STKLD1: variants seen among roughly 807,000 people sequenced by gnomAD.
STKLD1 encodes serine/threonine kinase like domain containing 1, also known as serine/threonine kinase-like domain-containing protein STKLD1.
Under a neutral mutation model 80.4 loss-of-function variants are expected in STKLD1, and 79 were observed. That is an observed-to-expected ratio of 0.98 (90% CI 0.82 to 1.19). STKLD1 has a LOEUF of 1.19. Among genes scored for constraint, STKLD1 ranks in the 50% most tolerant of loss-of-function variants. STKLD1 has a pLI of 0.00. For synonymous variants in STKLD1, 393 were observed against 357.6 expected, an observed-to-expected ratio of 1.10 and a Z score of -1.12; for missense variants, 841 against 856.0, an observed-to-expected ratio of 0.98 and a Z score of 0.22.
rs917050020 is a variant in STKLD1, at chr9:133,402,978, C to T, written c.1440C>T (p.Ser480=). The T allele has an allele frequency of 2.8e-5, 44 of 1,577,136 alleles. No individual in the cohort carries two copies. Among genetic ancestry groups the T allele is most frequent in the Middle Eastern group, 1.9e-4 (1 of 5,232 alleles). ...TCGAAAGCAGGGACGTCTGCGCCAG[C>T]GGCCTGGGCCTGCTCTGGGCCCTCC... is the stretch of plus-strand genomic sequence containing the variant. The part of the protein sequence containing the change: ...SSLESRDVCA[S]GLGLLWALLL... Residue 480 remains serine (S), a synonymous_variant, in exon 14 of 18, where the codon AGC becomes AGT. Coordinates refer to ENST00000371957, the MANE Select transcript of STKLD1 (RefSeq NM_153710.5).
chr9:133,387,914 G>A (rs2130281279), intron 5 of STKLD1: 4 of 468,566 alleles, frequency 8.5e-6, no homozygotes, highest in African/African-American at 3.9e-5. Context: ...TGTGAGCCCC[G>A]CGGTGCTGCT....
chr9:133,377,261 G>GA (rs2130253203), intron 1 of STKLD1, among the ~76,000 whole-genome samples: 43 of 150,922 alleles, frequency 2.8e-4, no homozygotes, highest in African/African-American at 5.8e-4. Flanking sequence ...CCTGCTTTTG[G>GA]AAAAAAAAAT....
At chr9:133,403,597 C>G in intron 14 of STKLD1, 103 bp from the exon 15 acceptor site, 1 of 1,432,404 alleles carries the variant, frequency 7.0e-7, no homozygotes, top group Non-Finnish European at 9.5e-7. Context: ...CCCATTTCTG[C>G]TGTTGTCGTT....
chr9:133,381,450 C>CGTT (rs1838132115), intron 2 of STKLD1, among the ~76,000 whole-genome samples: 3 of 91,174 alleles, frequency 3.3e-5, no homozygotes, highest in Non-Finnish European at 4.4e-5. Context: ...CACCCAGCCG[C>CGTT]TTTTTTTTTT....
rs1163327919 is a variant in STKLD1, at chr9:133,384,364, C to T, written c.219+464C>T. The T allele has an allele frequency of 6.2e-6, 1 of 161,072 alleles. No individual in the cohort carries two copies. The highest frequency in any genetic ancestry group is 2.4e-5 in the African/African-American group (1 of 41,628). 10.0% of individuals were successfully genotyped at this position (161,072 alleles called of 1,614,324 possible). Reference sequence around the variant, plus strand: ...GGTTGAGGCGGGAGAATCACTTGAACCTGGGAGGCGGAGATTGCAATGAGC... The same window carrying T: ...GGTTGAGGCGGGAGAATCACTTGAATCTGGGAGGCGGAGATTGCAATGAGC... On this transcript the variant is annotated intron_variant, in intron 3 of 17. Transcript: ENST00000371957. This position sits in a 1 kb window ranked among gnomAD's most constrained non-coding sequence, Gnocchi z 4.3.
Position 133,376,478 on chromosome 9 carries a change from T to A in STKLD1, c.5T>A (p.Leu2His). Residue 2 changes from leucine (L) to histidine (H), a missense_variant, in exon 1 of 18, where the codon CTT becomes CAT. Transcript: ENST00000371957. M[L>H]GPGSNRRRPT... ...CGTACGCGGTCGCTACTGATCATGC[T>A]TGGGCCAGGGTCCAATCGCAGGCGC... 1 of 1,588,976 alleles carries A rather than the reference T, an allele frequency of 6.3e-7. No homozygotes were observed. Among genetic ancestry groups the A allele is most frequent in the Non-Finnish European group, 8.5e-7 (1 of 1,169,978 alleles).
In STKLD1 at chr9:133,394,677, T is replaced by C. The variant is rs2119233287; in HGVS notation, c.702+268T>C. 1 of 458,012 alleles carries C rather than the reference T, an allele frequency of 2.2e-6. No individual in the cohort carries two copies. Among genetic ancestry groups the C allele is most frequent in the East Asian group, 3.7e-5 (1 of 26,710 alleles). The allele number at this position is 458,012 out of a possible 1,614,324, so 28.4% of individuals were successfully genotyped here. On this transcript the variant is annotated intron_variant, in intron 8 of 17. Coordinates refer to ENST00000371957, the MANE Select transcript of STKLD1 (RefSeq NM_153710.5). This position sits in a 1 kb window ranked among gnomAD's most constrained non-coding sequence, Gnocchi z 4.9. ...ACCCTCGCAGCAGCCCTCCAGGTGG[T>C]GTCACTGACTCTTGATGGAGAAAAG...
chr9:133,391,142 G>T (rs1245241635), intron 7 of STKLD1, among the ~76,000 whole-genome samples: 2 of 148,876 alleles, frequency 1.3e-5, no homozygotes, highest in African/African-American at 5.1e-5. Context: ...GAGGTGGGGG[G>T]GGTCAGCCCC....
intron 17 of STKLD1, 121 bp downstream of exon 17, chr9:133,405,050 C>G: frequency 2.1e-6 from 3 of 1,431,878 alleles, no homozygotes; most frequent in Non-Finnish European, 2.8e-6. Flanking sequence ...TCTCGGCCCA[C>G]TTAAACTTCC....
chr9:133,378,111 C>T (rs1838043726), intron 1 of STKLD1, among the ~76,000 whole-genome samples: 1 of 152,198 alleles, frequency 6.6e-6, no homozygotes, highest in Non-Finnish European at 1.5e-5. Context: ...AGCTTTGCTC[C>T]ACTGCCTGCT....
Position 133,384,022 on chromosome 9 carries a change from C to A in STKLD1, c.219+122C>A. On this transcript the variant is annotated intron_variant, in intron 3 of 17. Coordinates refer to ENST00000371957, the MANE Select transcript of STKLD1 (RefSeq NM_153710.5). The surrounding 1 kb of genome is among the most constrained non-coding windows in gnomAD (Gnocchi z 4.3). ...GCTGGAGGGAGGGATAGAGCATCAG[C>A]ACCAGTTTTGCCTCAGCTGTGAAGC... 1 of 978,002 alleles carries A rather than the reference C, an allele frequency of 1.0e-6. No homozygotes were observed. The highest frequency in any genetic ancestry group is 1.6e-6 in the Non-Finnish European group (1 of 625,480). The allele number at this position is 978,002 out of a possible 1,614,324, so 60.6% of individuals were successfully genotyped here.
intron 2 of STKLD1, 57 bp downstream of exon 2, chr9:133,379,179 CCAATA>C: frequency 7.0e-7 from 1 of 1,436,618 alleles, no homozygotes. Context: ...GTGATTTTCC[CCAATA>C]CAAGCTCTTC....
Position 133,385,006 on chromosome 9 carries a change from C to T in STKLD1, c.220-611C>T, listed in dbSNP as rs1025937383. On this transcript the variant is annotated intron_variant, in intron 3 of 17. Transcript: ENST00000371957. This position sits in a 1 kb window ranked among gnomAD's most constrained non-coding sequence, Gnocchi z 4.9. ...AGCACAGTGGTGGGCCCAGGCTACT[C>T]GGTAACAAATGGGAAGAAAGAGCAT... Among the ~76,000 whole-genome samples, 3 of 152,176 alleles carry T rather than the reference C, an allele frequency of 2.0e-5. No homozygotes were observed. Among genetic ancestry groups the T allele is most frequent in the African/African-American group, 4.8e-5 (2 of 41,440 alleles).
intron 5 of STKLD1, chr9:133,388,879 T>G: frequency 1.0e-6 from 1 of 985,370 alleles, no homozygotes; most frequent in Non-Finnish European, 1.2e-6. Flanking sequence ...TTTCAGACTT[T>G]GTGAGTGAAG....
intron 11 of STKLD1, among the ~76,000 whole-genome samples, chr9:133,399,897 G>A (rs994783019): frequency 4.0e-5 from 6 of 149,876 alleles, no homozygotes; most frequent in Admixed American, 2.6e-4. Context: ...AAAAAAAAGA[G>A]GGGGGGGTCT....
intron 9 of STKLD1, 125 bp from the exon 10 acceptor site, chr9:133,397,039 C>T (rs1838580054): frequency 7.3e-7 from 1 of 1,377,950 alleles, no homozygotes; most frequent in Non-Finnish European, 9.8e-7. Context: ...AATCCCAAAA[C>T]AGGGAGTTCA....
Position 133,385,264 on chromosome 9 carries a change from G to A in STKLD1, c.220-353G>A, listed in dbSNP as rs2130274217. Among the ~76,000 whole-genome samples the A allele has an allele frequency of 6.6e-6, 1 of 152,312 alleles. No individual in the cohort carries two copies. Among genetic ancestry groups the A allele is most frequent in the East Asian group, 1.9e-4 (1 of 5,188 alleles). On this transcript the variant is annotated intron_variant, in intron 3 of 17. Transcript: ENST00000371957. This position sits in a 1 kb window ranked among gnomAD's most constrained non-coding sequence, Gnocchi z 4.9. ...TCCGTGTGCCCACCTCCCGGTGTCT[G>A]CACCACCTCCTCCAGCCAGCCCTGG...
At chr9:133,377,151 G>A (rs2130252860) in intron 1 of STKLD1, among the ~76,000 whole-genome samples, 12 of 152,154 alleles carry the variant, frequency 7.9e-5, no homozygotes, top group Non-Finnish European at 1.8e-4. Flanking sequence ...GGACTATAGG[G>A]CGTTGCCAGA....
Position 133,403,979 on chromosome 9 carries a change from C to T in STKLD1, c.1663C>T (p.Leu555=), listed in dbSNP as rs781946969. ...GGCGCTGCTCCTGCAAAGCATCCGG[C>T]TGTGCCAGGACAGAGCCCTGCTGGT... The part of the protein sequence containing the change: ...VVALLLQSIR[L]CQDRALLVNN... Residue 555 remains leucine, a synonymous_variant, in exon 16 of 18, where the codon CTG becomes TTG. Coordinates refer to ENST00000371957, the MANE Select transcript of STKLD1 (RefSeq NM_153710.5). The T allele has an allele frequency of 1.2e-6, 2 of 1,611,724 alleles. No individual in the cohort carries two copies. The highest frequency in any genetic ancestry group is 1.3e-5 in the African/African-American group (1 of 75,046).
Sources: gnomAD v4.1 joint callset for allele counts (sites outside exome capture counted in the v4.1 genomes callset) on GRCh38, gnomAD v4.1.1 for gene constraint, Gnocchi (gnomAD v3.1) non-coding constraint, MANE v1.5 for transcripts, NCBI Gene and HGNC (gene_info 2026-07-23, HGNC 2026-07-21) for gene names.